FRAS1: variants seen among roughly 807,000 people sequenced by gnomAD.
FRAS1 encodes Fraser extracellular matrix complex subunit 1.
FRAS1 carries 290 observed loss-of-function variants against 435.2 expected under a neutral mutation model. That is an observed-to-expected ratio of 0.67 (90% CI 0.61 to 0.73). The LOEUF (loss-of-function observed/expected upper bound fraction) is 0.73, where lower values mean the gene tolerates loss of function less well. Ranked by LOEUF, FRAS1 falls within the 30% of genes least tolerant of loss-of-function variation. The probability of loss-of-function intolerance (pLI) is 0.00; values close to 1 mark genes in which losing one functional copy is unlikely to be tolerated. For missense variants in FRAS1, 4,860 were observed against 5,001.5 expected, an observed-to-expected ratio of 0.97 and a Z score of 0.85; for synonymous variants, 1,800 against 1,851.0, an observed-to-expected ratio of 0.97 and a Z score of 0.71.
chr4:78,490,880 TA>T (rs1055091960), intron 59 of FRAS1, among the ~76,000 whole-genome samples: 11 of 138,604 alleles, frequency 7.9e-5, no homozygotes, highest in Non-Finnish European at 1.7e-4. Flanking sequence ...GTTTTTTTTT[TA>T]AAGATTAACC....
At chr4:78,192,751 G>T (rs940474615) in intron 2 of FRAS1, among the ~76,000 whole-genome samples, 10 of 152,070 alleles carry the variant, frequency 6.6e-5, no homozygotes, top group African/African-American at 1.4e-4. Context: ...TTTTTGAGGG[G>T]TTTTTTGTGT....
At chr4:78,137,183 A>T (rs1393733888) in intron 2 of FRAS1, among the ~76,000 whole-genome samples, 1 of 152,214 alleles carries the variant, frequency 6.6e-6, no homozygotes, top group Non-Finnish European at 1.5e-5. Context: ...CCTTTGATTC[A>T]GTTTTTTCCT....
chr4:78,117,029 G>A (rs1025097926), intron 2 of FRAS1, among the ~76,000 whole-genome samples: 2 of 152,158 alleles, frequency 1.3e-5, no homozygotes, highest in African/African-American at 2.4e-5. Context: ...AGGCCTGGTG[G>A]CGACAAAATC....
At chr4:78,336,554 G>C (rs921715446) in intron 19 of FRAS1, among the ~76,000 whole-genome samples, 1 of 152,192 alleles carries the variant, frequency 6.6e-6, no homozygotes, top group Admixed American at 6.5e-5. Context: ...CTTTTGGATA[G>C]GTGCTTTCAA....
chr4:78,354,280 G>T (rs981100242), intron 20 of FRAS1, among the ~76,000 whole-genome samples: 4 of 152,150 alleles, frequency 2.6e-5, no homozygotes, highest in Non-Finnish European at 5.9e-5. Flanking sequence ...CTGTTGTCGT[G>T]TTTTATTTGG....
At chr4:78,098,322 C>A (rs1274345988) in intron 2 of FRAS1, among the ~76,000 whole-genome samples, 3 of 147,474 alleles carry the variant, frequency 2.0e-5, no homozygotes, top group African/African-American at 7.6e-5. Context: ...GTTGCCCAGG[C>A]TGGAGTGCAG....
intron 24 of FRAS1, among the ~76,000 whole-genome samples, chr4:78,373,454 A>AAT (rs1334519189): frequency 6.8e-6 from 1 of 146,602 alleles, no homozygotes; most frequent in Non-Finnish European, 1.5e-5. Flanking sequence ...GACTAATAAT[A>AAT]ATAATAATAA....
intron 2 of FRAS1, among the ~76,000 whole-genome samples, chr4:78,201,644 T>C (rs1723052609): frequency 6.6e-6 from 1 of 152,202 alleles, no homozygotes; most frequent in Non-Finnish European, 1.5e-5. Context: ...ACTCAACCAA[T>C]TGCTTCTGAA....
rs762909923 is a variant in FRAS1 at position 78,065,081 on chromosome 4, T to TATATATATATATATACACACACAC, written c.77-901_77-900insTATATATATATACACACACACATA. 7.2e-3 allele frequency among the ~76,000 whole-genome samples: 898 copies of TATATATATATATATACACACACAC among 125,498 alleles called. 8 individuals are homozygous for TATATATATATATATACACACACAC. The highest frequency in any genetic ancestry group is 0.013 in the African/African-American group (419 of 32,816). The allele number at this position is 125,498 out of a possible 152,430, so 82.3% of individuals were successfully genotyped here. A position where few individuals can be genotyped will look rare whatever the true frequency, so the allele number is the denominator to read the frequency against. The stretch of plus-strand genomic sequence containing the variant: ...GTGTATATATATATATATATATATA[T>TATATATATATATATACACACACAC]ATACATACACACACACACACTAAAT... On this transcript the variant is annotated intron_variant, in intron 1 of 73. Coordinates refer to ENST00000512123, the MANE Select transcript of FRAS1 (RefSeq NM_025074.7).
intron 18 of FRAS1, among the ~76,000 whole-genome samples, chr4:78,326,399 A>C (rs7656172): frequency 0.28 from 43,111 of 152,082 alleles, 6,549 homozygotes; most frequent in Non-Finnish European, 0.33. Flanking sequence ...TGAAAGGTGG[A>C]GCTACCAAGT....
At position 78,496,837 on chromosome 4, in the gene FRAS1, C is replaced by G; in HGVS notation, c.8991C>G (p.Asp2997Glu). Residue 2997 changes from aspartate (D) to glutamate (E), a missense_variant, in exon 60 of 74, where the codon GAC becomes GAG. By Grantham distance (45) the Asp-to-Glu change is conservative. Coordinates refer to ENST00000512123, the MANE Select transcript of FRAS1 (RefSeq NM_025074.7). Reference sequence around the variant, plus strand: ...ACTGTACGGTCTATATCCACGATGACTCCATGTTTGAGCCAGAGGAACAGT... The same window carrying G: ...ACTGTACGGTCTATATCCACGATGAGTCCATGTTTGAGCCAGAGGAACAGT... ...VKNCTVYIHD[D>E]SMFEPEEQFR... 6.2e-7 allele frequency: 1 copy of G among 1,613,806 alleles called. No individual in the cohort carries two copies. Among genetic ancestry groups the G allele is most frequent in the Non-Finnish European group, 8.5e-7 (1 of 1,179,762 alleles).
intron 2 of FRAS1, among the ~76,000 whole-genome samples, chr4:78,141,963 ATGGAC>A (rs1468816548): frequency 6.6e-6 from 1 of 152,068 alleles, no homozygotes; most frequent in Admixed American, 6.6e-5. Flanking sequence ...GAATGATACA[ATGGAC>A]TTTGGGGACT....
At chr4:78,421,263 T>A (rs528010532) in intron 33 of FRAS1, among the ~76,000 whole-genome samples, 173 of 152,268 alleles carry the variant, frequency 1.1e-3, no homozygotes, top group African/African-American at 4.0e-3. Flanking sequence ...TTCTCCTGCC[T>A]CAGCCTCCCG....
In FRAS1 at chr4:78,127,285, A is replaced by G. The variant is rs572431843; in HGVS notation, c.108+61269A>G. Among the ~76,000 whole-genome samples, 6 of 152,288 alleles carry G rather than the reference A, an allele frequency of 3.9e-5. No homozygotes were observed. In the East Asian group the frequency reaches 1.2e-3, roughly 29 times the overall value. The stretch of plus-strand genomic sequence containing the variant: ...AGGGATGGTAAGACATGAGCCTAAA[A>G]CGATAATCCTAGGCTTGCTAATGAA... On this transcript the variant is annotated intron_variant, in intron 2 of 73. Coordinates refer to ENST00000512123, the MANE Select transcript of FRAS1 (RefSeq NM_025074.7).
intron 5 of FRAS1, among the ~76,000 whole-genome samples, chr4:78,253,680 G>T (rs760084562): frequency 9.9e-5 from 15 of 152,188 alleles, no homozygotes; most frequent in Non-Finnish European, 1.8e-4. Context: ...TTGGAAGGGC[G>T]CAGTGTCCCA....
At chr4:78,109,329 A>G (rs1742568997) in intron 2 of FRAS1, among the ~76,000 whole-genome samples, 1 of 114,654 alleles carries the variant, frequency 8.7e-6, no homozygotes, top group Non-Finnish European at 1.8e-5. Flanking sequence ...TCCTTGATGA[A>G]CATTGATGCA....
At chr4:78,374,879 T>TC (rs764817540) in intron 25 of FRAS1, among the ~76,000 whole-genome samples, 1 of 152,220 alleles carries the variant, frequency 6.6e-6, no homozygotes, top group South Asian at 2.1e-4. Context: ...ATTTGCATTA[T>TC]CTAATTTAAT....
chr4:78,174,234 C>T (rs1368441240), intron 2 of FRAS1, among the ~76,000 whole-genome samples: 2 of 152,220 alleles, frequency 1.3e-5, no homozygotes, highest in African/African-American at 2.4e-5. Context: ...ATGTTCTTGA[C>T]TACAAGAAAT....
chr4:78,502,288 GT>G (rs1442066101), intron 61 of FRAS1, among the ~76,000 whole-genome samples: 4 of 152,164 alleles, frequency 2.6e-5, no homozygotes, highest in African/African-American at 4.8e-5. Context: ...GGATGGCATT[GT>G]ATCTATAAAT....
Sources: gnomAD v4.1 joint callset for allele counts (sites outside exome capture counted in the v4.1 genomes callset) on GRCh38, gnomAD v4.1.1 for gene constraint, MANE v1.5 for transcripts, NCBI Gene and HGNC (gene_info 2026-07-23, HGNC 2026-07-21) for gene names.